Variants in RBFOX1 observed in about 807,000 individuals in gnomAD.
The protein encoded by RBFOX1 is RNA binding protein fox-1 homolog 1.
RBFOX1 carries 8 observed loss-of-function variants against 57.7 expected under a neutral mutation model. The observed-to-expected ratio is 0.14, with a 90% confidence interval of 0.08 to 0.25. The LOEUF (loss-of-function observed/expected upper bound fraction) is 0.25. Among genes scored for constraint, RBFOX1 ranks in the 10% least tolerant of loss-of-function variants. The pLI is 1.00. For missense variants in RBFOX1, 611 were observed against 548.5 expected, an observed-to-expected ratio of 1.11 and a Z score of -1.14; for synonymous variants, 326 against 222.4, an observed-to-expected ratio of 1.47 and a Z score of -4.15.
chr16:7,000,592 C>CTTTTTTT (rs1568307066), intron 3 of RBFOX1, among the ~76,000 whole-genome samples: 8 of 84,048 alleles, frequency 9.5e-5, no homozygotes, highest in African/African-American at 3.3e-4. Flanking sequence ...CTTTCTTTTT[C>CTTTTTTT]TTTCTTTTTT....
At chr16:6,818,665 T>C (rs2090651667) in intron 3 of RBFOX1, among the ~76,000 whole-genome samples, 1 of 152,208 alleles carries the variant, frequency 6.6e-6, no homozygotes, top group East Asian at 1.9e-4. Context: ...TCCCCCCTTC[T>C]TCTGGTAAAG....
chr16:6,765,388 T>G (rs1278675336), intron 3 of RBFOX1, among the ~76,000 whole-genome samples: 3 of 152,196 alleles, frequency 2.0e-5, no homozygotes, highest in Non-Finnish European at 4.4e-5. Flanking sequence ...ACTTATCTCT[T>G]ATTATTGCTG....
chr16:6,964,825 G>C (rs2083756415), intron 3 of RBFOX1, among the ~76,000 whole-genome samples: 1 of 152,116 alleles, frequency 6.6e-6, no homozygotes, highest in African/African-American at 2.4e-5. Context: ...TTGTCTAAAA[G>C]AGCCTGGTTG....
At chr16:5,318,170 C>G (rs967224740) in intron 1 of RBFOX1, among the ~76,000 whole-genome samples, 1 of 152,032 alleles carries the variant, frequency 6.6e-6, no homozygotes, top group East Asian at 1.9e-4. Context: ...ACTGTGTCAC[C>G]CAGGCTGGAG....
chr16:6,002,588 A>G (rs1466782459), intron 4 of RBFOX1, among the ~76,000 whole-genome samples: 1 of 152,238 alleles, frequency 6.6e-6, no homozygotes, highest in African/African-American at 2.4e-5. Flanking sequence ...AGAGAACTCC[A>G]TAATTGAGAG....
At chr16:6,922,139 G>A (rs1353873839) in intron 3 of RBFOX1, among the ~76,000 whole-genome samples, 1 of 152,130 alleles carries the variant, frequency 6.6e-6, no homozygotes, top group Admixed American at 6.5e-5. Context: ...AACTTCAGGA[G>A]CACCTTACAC....
chr16:6,872,953 G>A (rs1212407469), intron 3 of RBFOX1, among the ~76,000 whole-genome samples: 3 of 152,068 alleles, frequency 2.0e-5, no homozygotes, highest in South Asian at 2.1e-4. Flanking sequence ...TTACTTCCCC[G>A]GCCGCAGCTG....
chr16:5,285,292 AT>A, intron 1 of RBFOX1, among the ~76,000 whole-genome samples: 1 of 151,836 alleles, frequency 6.6e-6, no homozygotes, highest in Non-Finnish European at 1.5e-5. Flanking sequence ...CTCTTCCAGG[AT>A]TTGTGTTTGG....
At chr16:7,154,330 T>A (rs1601232342) in intron 4 of RBFOX1, among the ~76,000 whole-genome samples, 1 of 152,196 alleles carries the variant, frequency 6.6e-6, no homozygotes, top group East Asian at 1.9e-4. Context: ...AGGGAATCAC[T>A]CATCCATCTC....
chr16:6,024,321 C>G (rs944870381), intron 1 of RBFOX1, among the ~76,000 whole-genome samples: 10 of 151,978 alleles, frequency 6.6e-5, no homozygotes, highest in African/African-American at 2.2e-4. Flanking sequence ...ATAAGCAAGA[C>G]GTTGAAATAT....
rs1315045762 is a variant in RBFOX1 at position 6,817,492 on chromosome 16, G to C, written c.-16+162842G>C. On this transcript the variant is annotated intron_variant, in intron 3 of 15. Coordinates refer to ENST00000550418, the MANE Select transcript of RBFOX1 (RefSeq NM_018723.4). ...GCAGATTGGTTGAGGTCAAGAGTTC[G>C]AGACCAGCCTGGCCAGCATGGTGAA... 3.4e-5 allele frequency among the ~76,000 whole-genome samples: 5 copies of C among 147,618 alleles called. No homozygotes were observed. In the East Asian group the frequency reaches 1.0e-3, roughly 30 times the overall value.
intron 3 of RBFOX1, among the ~76,000 whole-genome samples, chr16:5,769,485 T>TAC (rs1466568539): frequency 4.1e-4 from 40 of 96,796 alleles, no homozygotes; most frequent in African/African-American, 1.6e-3. Flanking sequence ...TACTAAAAAA[T>TAC]ACAAAAAAAA....
intron 4 of RBFOX1, among the ~76,000 whole-genome samples, chr16:7,360,610 A>G (rs1285204981): frequency 6.6e-6 from 1 of 152,186 alleles, no homozygotes; most frequent in East Asian, 1.9e-4. Context: ...GTAGGCCACA[A>G]CAAAGGCAAA....
intron 1 of RBFOX1, among the ~76,000 whole-genome samples, chr16:5,349,070 G>A (rs1477580023): frequency 1.3e-5 from 2 of 152,132 alleles, no homozygotes; most frequent in Non-Finnish European, 2.9e-5. Context: ...CCACATGCTG[G>A]TCAGCCGTTG....
intron 2 of RBFOX1, among the ~76,000 whole-genome samples, chr16:6,588,622 A>C (rs1229353493): frequency 6.6e-6 from 1 of 152,228 alleles, no homozygotes; most frequent in Non-Finnish European, 1.5e-5. Context: ...ACTGCACTCC[A>C]GTCTGGGCAA....
At chr16:7,289,240 G>A (rs1603503316) in intron 4 of RBFOX1, among the ~76,000 whole-genome samples, 1 of 152,206 alleles carries the variant, frequency 6.6e-6, no homozygotes, top group African/African-American at 2.4e-5. Flanking sequence ...AAGATTGGAA[G>A]TAGCAATGGG....
intron 3 of RBFOX1, among the ~76,000 whole-genome samples, chr16:5,829,870 G>A (rs886271416): frequency 2.0e-5 from 3 of 152,114 alleles, no homozygotes; most frequent in African/African-American, 7.2e-5. Flanking sequence ...ACAAAAACAG[G>A]GGGGAAGAAA....
intron 4 of RBFOX1, among the ~76,000 whole-genome samples, chr16:7,209,534 T>C (rs1049245900): frequency 6.6e-6 from 1 of 152,204 alleles, no homozygotes; most frequent in Non-Finnish European, 1.5e-5. Context: ...TTGCCCTTCC[T>C]TCTGCTCTCA....
chr16:5,629,533 A>C (rs1351145985), intron 3 of RBFOX1, among the ~76,000 whole-genome samples: 1 of 152,222 alleles, frequency 6.6e-6, no homozygotes, highest in Non-Finnish European at 1.5e-5. Flanking sequence ...TCAGTAGCAA[A>C]GGAAGAATGG....
Sources: gnomAD v4.1 joint callset for allele counts (sites outside exome capture counted in the v4.1 genomes callset) on GRCh38, gnomAD v4.1.1 for gene constraint, MANE v1.5 for transcripts, NCBI Gene and HGNC (gene_info 2026-07-23, HGNC 2026-07-21) for gene names.